The following BEAN1 variants were observed in gnomAD, a reference collection of about 807,000 sequenced individuals.
BEAN1 encodes protein BEAN1.
Under a neutral mutation model 17.7 loss-of-function variants are expected in BEAN1, and 17 were observed. The ratio of observed to expected loss-of-function variants is 0.96; its 90% CI spans 0.66 to 1.44. The LOEUF (loss-of-function observed/expected upper bound fraction) is 1.44. BEAN1 is among the 40% of genes most tolerant of loss of function. The pLI is 0.00. For synonymous variants in BEAN1, 142 were observed against 151.8 expected, an observed-to-expected ratio of 0.94 and a Z score of 0.47; for missense variants, 359 against 374.1, an observed-to-expected ratio of 0.96 and a Z score of 0.33.
chr16:66,460,396 A>G (rs1015147152), intron 2 of BEAN1, among the ~76,000 whole-genome samples: 3 of 152,222 alleles, frequency 2.0e-5, no homozygotes, highest in African/African-American at 4.8e-5. Flanking sequence ...TCTTATCTTT[A>G]TCATTGTTCT....
chr16:66,487,484 G>C (rs1037983288), downstream of BEAN1, among the ~76,000 whole-genome samples: 2 of 152,166 alleles, frequency 1.3e-5, no homozygotes, highest in African/African-American at 4.8e-5. Flanking sequence ...TCAATTATGA[G>C]AGAAACAGTG....
At chr16:66,462,999 G>A (rs928106641) in intron 2 of BEAN1, among the ~76,000 whole-genome samples, 1 of 152,202 alleles carries the variant, frequency 6.6e-6, no homozygotes, top group Admixed American at 6.5e-5. Context: ...TCAGTCAGGA[G>A]CAACCTGTCT....
At chr16:66,490,329 G>A (rs1378420068) in intron 4 of BEAN1, among the ~76,000 whole-genome samples, 2 of 146,786 alleles carry the variant, frequency 1.4e-5, no homozygotes, top group Non-Finnish European at 3.0e-5. Flanking sequence ...CCCAGAAGGT[G>A]GAAATTGCAG....
chr16:66,438,810 C>CT (rs1221034539), intron 2 of BEAN1, among the ~76,000 whole-genome samples: 1 of 152,170 alleles, frequency 6.6e-6, no homozygotes, highest in Non-Finnish European at 1.5e-5. Flanking sequence ...CTGAGCCCCC[C>CT]CCAAACCACC....
intron 2 of BEAN1, among the ~76,000 whole-genome samples, chr16:66,466,156 G>A (rs781596456): frequency 2.6e-5 from 4 of 152,286 alleles, no homozygotes; most frequent in East Asian, 1.9e-4. Flanking sequence ...TGGGCCGGGC[G>A]TGGTGGCTCA....
intron 2 of BEAN1, among the ~76,000 whole-genome samples, chr16:66,447,943 GC>G (rs1352447183): frequency 1.3e-5 from 2 of 152,220 alleles, no homozygotes; most frequent in African/African-American, 4.8e-5. Context: ...CCAGGAGGGA[GC>G]CTGCTGCTCT....
At position 66,477,607 on chromosome 16, in the gene BEAN1, G is replaced by T; in HGVS notation, c.337G>T (p.Ala113Ser). 6.4e-7 allele frequency: 1 copy of T among 1,550,898 alleles called. No homozygotes were observed. Among genetic ancestry groups the T allele is most frequent in the Non-Finnish European group, 8.7e-7 (1 of 1,146,738 alleles). The change falls in exon 4 of 5, where the codon GCC (alanine) becomes TCC (serine). Residue 113 changes from alanine (A) to serine (S), a missense_variant. Transcript: ENST00000536005. ...YSRSSRRMRY[A>S]CSSSEDWPPP... ...CCGCTCAAGCCGCAGGATGCGCTAT[G>T]CCTGCAGCTCCTCAGAGGACTGGCC...
At chr16:66,468,354 G>C (rs35095902) in intron 2 of BEAN1, among the ~76,000 whole-genome samples, 1,947 of 152,354 alleles carry the variant, frequency 0.013, 29 homozygotes, top group Middle Eastern at 0.054. Context: ...TGGGCTCTGG[G>C]AGAACGTGCA....
At chr16:66,438,811 C>A (rs902443331) in intron 2 of BEAN1, among the ~76,000 whole-genome samples, 2 of 152,170 alleles carry the variant, frequency 1.3e-5, no homozygotes, top group South Asian at 2.1e-4. Context: ...TGAGCCCCCC[C>A]CAAACCACCA....
At chr16:66,459,244 A>C (rs1409578437) in intron 2 of BEAN1, among the ~76,000 whole-genome samples, 2 of 152,132 alleles carry the variant, frequency 1.3e-5, no homozygotes, top group African/African-American at 4.8e-5. Context: ...CTCCATCTGC[A>C]ACCCGAGGCT....
At chr16:66,492,136 G>A (rs1964183271) in intron 4 of BEAN1, among the ~76,000 whole-genome samples, 2 of 152,100 alleles carry the variant, frequency 1.3e-5, no homozygotes, top group African/African-American at 4.8e-5. Context: ...CTGCCTCTCA[G>A]GATCAAGCGA....
At chr16:66,445,268 A>G (rs1962401946) in intron 2 of BEAN1, among the ~76,000 whole-genome samples, 1 of 151,628 alleles carries the variant, frequency 6.6e-6, no homozygotes, top group Non-Finnish European at 1.5e-5. Flanking sequence ...CAAGGTCAGG[A>G]GATTGAGACC....
At chr16:66,484,804 C>G (rs901221371), downstream of BEAN1, 4 of 453,988 alleles carry the variant, frequency 8.8e-6, no homozygotes, top group African/African-American at 8.0e-5. This position sits in a 1 kb window ranked among gnomAD's most constrained non-coding sequence, Gnocchi z 4.2. Flanking sequence ...CTCAAAGTGA[C>G]GCCCGCCCTC....
rs1479443805 is a variant in BEAN1, at chr16:66,434,541, A to C, written c.-82-3054A>C. Among the ~76,000 whole-genome samples the C allele has an allele frequency of 6.6e-6, 1 of 152,092 alleles. No homozygotes were observed. The highest frequency in any genetic ancestry group is 2.4e-5 in the African/African-American group (1 of 41,418). ...TTTTAGGACCCCCCAAAGTCCCTCC[A>C]TGTGTTTTCCAAGGGTTTTGTGGGA... On this transcript the variant is annotated intron_variant, in intron 1 of 4. Coordinates refer to ENST00000536005, the MANE Select transcript of BEAN1 (RefSeq NM_001178020.3). This position sits in a 1 kb window ranked among gnomAD's most constrained non-coding sequence, Gnocchi z 4.3.
At chr16:66,438,565 G>T (rs1442793602) in intron 2 of BEAN1, among the ~76,000 whole-genome samples, 2 of 152,138 alleles carry the variant, frequency 1.3e-5, no homozygotes, top group African/African-American at 4.8e-5. Flanking sequence ...CCACCATGAA[G>T]TTCCTCATTC....
At chr16:66,450,209 C>T (rs908560639) in intron 2 of BEAN1, among the ~76,000 whole-genome samples, 4 of 152,346 alleles carry the variant, frequency 2.6e-5, no homozygotes, top group South Asian at 4.1e-4. Flanking sequence ...CAGCTCTACA[C>T]GATTGTCTTA....
intron 1 of BEAN1, among the ~76,000 whole-genome samples, chr16:66,429,667 C>A (rs1328954837): frequency 6.6e-6 from 1 of 152,150 alleles, no homozygotes; most frequent in Non-Finnish European, 1.5e-5. Context: ...GGGCCTCCTA[C>A]ACGGAATCTC....
chr16:66,455,545 A>T (rs970765497), intron 2 of BEAN1, among the ~76,000 whole-genome samples: 4 of 152,210 alleles, frequency 2.6e-5, no homozygotes, highest in Middle Eastern at 3.2e-3. Flanking sequence ...CTCATGGTCT[A>T]TGAGGAGAAA....
chr16:66,438,547 G>A (rs531557036), intron 2 of BEAN1, among the ~76,000 whole-genome samples: 4 of 152,214 alleles, frequency 2.6e-5, no homozygotes, highest in African/African-American at 7.2e-5. Flanking sequence ...AACCCATCCC[G>A]AGCATCCCCA....
Sources: allele counts gnomAD v4.1 joint callset (sites outside exome capture counted in the v4.1 genomes callset), GRCh38; gene constraint gnomAD v4.1.1; non-coding constraint Gnocchi (gnomAD v3.1); transcripts MANE v1.5; gene names NCBI Gene and HGNC (gene_info 2026-07-23, HGNC 2026-07-21).